Variants in COL16A1 observed in about 807,000 individuals in gnomAD.
COL16A1 encodes the protein collagen alpha-1(XVI) chain.
A neutral mutation model predicts 266.3 loss-of-function variants in COL16A1; 189 were observed. The observed-to-expected ratio is 0.71, with a 90% CI of 0.63 to 0.80. The LOEUF (loss-of-function observed/expected upper bound fraction) is 0.80. COL16A1 is among the 30% of genes least tolerant of loss of function. COL16A1 has a pLI of 0.00. For synonymous variants in COL16A1, 740 were observed against 782.3 expected, an observed-to-expected ratio of 0.95 and a Z score of 0.90; for missense variants, 1,928 against 2,122.4, an observed-to-expected ratio of 0.91 and a Z score of 1.80.
chr1:31,683,930 G>T lies in COL16A1; in HGVS notation c.2337+20C>A. ...TGCCCTCACGTAGCTACGGCCCAGG[G>T]CCCCAAGACTCACACATACCTGCAC... On this transcript the variant is annotated intron_variant, in intron 33 of 70. Transcript: ENST00000373672. 6.2e-7 allele frequency: 1 copy of T among 1,614,004 alleles called. No individual in the cohort carries two copies. The highest frequency in any genetic ancestry group is 8.5e-7 in the Non-Finnish European group (1 of 1,179,976).
intron 10 of COL16A1, among the ~76,000 whole-genome samples, chr1:31,695,507 G>A (rs1286040060): frequency 6.6e-6 from 1 of 151,410 alleles, no homozygotes; most frequent in Non-Finnish European, 1.5e-5. Context: ...CAAGGGCACC[G>A]TGGCTGAAGG....
At position 31,661,701 on chromosome 1, in the gene COL16A1, C is replaced by A; in HGVS notation, c.3685G>T (p.Asp1229Tyr). The A allele has an allele frequency of 6.3e-7, 1 of 1,597,358 alleles. No individual in the cohort carries two copies. Among genetic ancestry groups the A allele is most frequent in the Middle Eastern group, 1.7e-4 (1 of 6,002 alleles). ...GKDGKPGLRG[D>Y]PGPAGPPGLM... The stretch of plus-strand genomic sequence containing the variant: ...CCAGGGGGGCCAGCAGGACCAGGGT[C>A]CCCCTAGGGAAAGAGACGAGGAGGA... The change falls in exon 59 of 71, where the codon GAC becomes TAC. Residue 1229 changes from aspartate (D) to tyrosine (Y), a missense_variant. Transcript: ENST00000373672.
intron 2 of COL16A1, 146 bp from the exon 3 acceptor site, chr1:31,700,261 G>C (rs1191140717): frequency 1.3e-6 from 1 of 752,260 alleles, no homozygotes; most frequent in African/African-American, 1.7e-5. Flanking sequence ...CCTGCCTTCT[G>C]ACCCTGGCTC....
At chr1:31,662,307 G>GGGCCCCCCCCC in intron 58 of COL16A1, 27 bp downstream of exon 58, 1 of 1,598,010 alleles carries the variant, frequency 6.3e-7, no homozygotes, top group Non-Finnish European at 8.5e-7. Context: ...AGGAAGGGGT[G>GGGCCCCCCCCC]CCCGCCCTCC....
At chr1:31,659,066 T>A (rs1212539124) in intron 62 of COL16A1, 102 bp from the exon 63 acceptor site, 22 of 1,077,158 alleles carry the variant, frequency 2.0e-5, no homozygotes, top group Non-Finnish European at 3.0e-5. Context: ...CTTCAGCAGC[T>A]CCATTTCCTC....
intron 62 of COL16A1, chr1:31,659,795 A>G (rs1641484399): frequency 6.6e-6 from 1 of 151,692 alleles, no homozygotes; most frequent in Non-Finnish European, 1.5e-5. Context: ...CACCCCCTCA[A>G]CCTCAGCCCT....
At chr1:31,683,393 A>G in intron 34 of COL16A1, 24 bp from the exon 35 acceptor site, 5 of 1,613,330 alleles carry the variant, frequency 3.1e-6, no homozygotes, top group Non-Finnish European at 4.2e-6. Context: ...AGGGCAGACT[A>G]GGGCACAGCA....
In COL16A1 at chr1:31,652,303, T is replaced by C. The variant is rs548138581; in HGVS notation, c.*348A>G. On this transcript the variant is annotated 3_prime_UTR_variant, in exon 71 of 71. Transcript: ENST00000373672. This position sits in a 1 kb window ranked among gnomAD's most constrained non-coding sequence, Gnocchi z 4.8. ...TTATTTTTCGGAGACTGAGTCTCAT[T>C]ATGTTGCTTAGACTGGTCTCAAACT... The C allele has an allele frequency of 6.1e-6, 1 of 163,682 alleles. No individual in the cohort carries two copies. Among genetic ancestry groups the C allele is most frequent in the Admixed American group, 6.4e-5 (1 of 15,652 alleles). The allele number at this position is 163,682 out of a possible 1,614,324, so 10.1% of individuals were successfully genotyped here.
chr1:31,689,921 G>T, intron 22 of COL16A1, 70 bp from the exon 23 acceptor site: 1 of 1,334,872 alleles, frequency 7.5e-7, no homozygotes, highest in Non-Finnish European at 1.1e-6. Flanking sequence ...GGGGCCTCTT[G>T]CGCAGACCAG....
chr1:31,684,790 C>G (rs1401793941), intron 30 of COL16A1, 31 bp downstream of exon 30: 1 of 1,613,870 alleles, frequency 6.2e-7, no homozygotes, highest in Admixed American at 1.7e-5. Flanking sequence ...TGATGCCATG[C>G]CCACCCCCGT....
In COL16A1 at chr1:31,699,796, C is replaced by A; in HGVS notation, c.266+17G>T. ...GAGGTCAGTGTTGATTCTCAGTGGTCACATGGATGCATTTACCGCGTGGGC... is the reference window on the plus strand; with the variant it reads ...GAGGTCAGTGTTGATTCTCAGTGGTAACATGGATGCATTTACCGCGTGGGC... On this transcript the variant is annotated intron_variant, in intron 4 of 70. Coordinates refer to ENST00000373672, the MANE Select transcript of COL16A1 (RefSeq NM_001856.4). 1 of 1,474,128 alleles carries A rather than the reference C, an allele frequency of 6.8e-7. No homozygotes were observed. The highest frequency in any genetic ancestry group is 9.5e-7 in the Non-Finnish European group (1 of 1,055,432). The allele number at this position is 1,474,128 out of a possible 1,614,324, so 91.3% of individuals were successfully genotyped here.
At position 31,683,352 on chromosome 1, in the gene COL16A1, CG is replaced by C; in HGVS notation, c.2396del (p.Pro799ArgfsTer30). ...VQGPQGEPGAPGLPGIQGLPG... is the reference protein window; with the variant it reads ...VQGPQGEPGAXGLPGIQGLPG... ...GACGTACCTGAATGCCAGGCAAACC[CG>C]GGGCTCCAGGCTCCCCCTGCAAGTC... On this transcript the variant is annotated frameshift_variant, in exon 35 of 71. Transcript: ENST00000373672. LOFTEE classifies it high-confidence loss of function. 1 of 1,614,162 alleles carries C rather than the reference CG, an allele frequency of 6.2e-7. No homozygotes were observed. Among genetic ancestry groups the C allele is most frequent in the Non-Finnish European group, 8.5e-7 (1 of 1,180,044 alleles).
At position 31,686,149 on chromosome 1, in the gene COL16A1, C is replaced by G; in HGVS notation, c.1840-14G>C. On this transcript the variant is annotated splice_polypyrimidine_tract_variant and intron_variant, in intron 27 of 70. Coordinates refer to ENST00000373672, the MANE Select transcript of COL16A1 (RefSeq NM_001856.4). ...TCCTGGTGGCCCCTGCATGTTAAGA[C>G]GCTACAGGTAATGCCCAGCATCTGC... The G allele has an allele frequency of 6.2e-7, 1 of 1,613,968 alleles. No individual in the cohort carries two copies. Among genetic ancestry groups the G allele is most frequent in the Non-Finnish European group, 8.5e-7 (1 of 1,180,022 alleles).
chr1:31,661,574 G>A (rs896047534), intron 59 of COL16A1, 86 bp downstream of exon 59: 23 of 1,611,202 alleles, frequency 1.4e-5, no homozygotes, highest in African/African-American at 2.7e-5. Context: ...CACGGTCCAC[G>A]GAGGATCTGG....
At chr1:31,699,736 A>T (rs1644649739) in intron 4 of COL16A1, 77 bp downstream of exon 4, 2 of 959,858 alleles carry the variant, frequency 2.1e-6, no homozygotes, top group Non-Finnish European at 1.6e-6. Flanking sequence ...CCCTGGGCTT[A>T]AGCCCCACAT....
rs773792153 is a variant in COL16A1 at position 31,680,063 on chromosome 1, G to A, written c.2649C>T (p.Asp883=). The A allele has an allele frequency of 1.2e-6, 2 of 1,613,928 alleles. No homozygotes were observed. Among genetic ancestry groups the A allele is most frequent in the South Asian group, 1.1e-5 (1 of 91,032 alleles). ...TTACCGGCATGCCAGAGAAGATGAG[G>A]TCTCCTTGAGAGGGGCAGGAGCACT... ...PGECSCPSQG[D]LIFSGMPGAP... is the part of the protein sequence containing the mutation. The change falls in exon 40 of 71, where the codon GAC becomes GAT. Residue 883 remains aspartate (D), a synonymous_variant. Coordinates refer to ENST00000373672, the MANE Select transcript of COL16A1 (RefSeq NM_001856.4).
Position 31,661,018 on chromosome 1 carries a change from G to A in COL16A1, c.3825+48C>T, listed in dbSNP as rs1182120604. Reference sequence around the variant, plus strand: ...AAGCGGCTGCATCCCAGACTCTGCAGAGTCTGAAGGCAAACTGAAGGCAGC... The same window carrying A: ...AAGCGGCTGCATCCCAGACTCTGCAAAGTCTGAAGGCAAACTGAAGGCAGC... On this transcript the variant is annotated intron_variant, in intron 61 of 70. Coordinates refer to ENST00000373672, the MANE Select transcript of COL16A1 (RefSeq NM_001856.4). 3.3e-6 allele frequency: 5 copies of A among 1,534,436 alleles called. 1 individual carries two copies. The South Asian group carries it at 4.9e-5, about 15-fold the overall frequency.
chr1:31,694,140 T>G lies in COL16A1; in HGVS notation c.1008+4A>C. The G allele has an allele frequency of 6.3e-7, 1 of 1,599,886 alleles. No homozygotes were observed. The highest frequency in any genetic ancestry group is 1.1e-5 in the South Asian group (1 of 88,570). On this transcript the variant is annotated splice_donor_region_variant and intron_variant, in intron 12 of 70. Transcript: ENST00000373672. ...GGAATGTCCCGTTCTCCATTAGGACTCACCTTGGGGCCAGAGGGAGCAAGT... is the reference window on the plus strand; with the variant it reads ...GGAATGTCCCGTTCTCCATTAGGACGCACCTTGGGGCCAGAGGGAGCAAGT...
chr1:31,696,272 C>T (rs1644494866), intron 8 of COL16A1, 131 bp from the exon 9 acceptor site: 2 of 735,098 alleles, frequency 2.7e-6, no homozygotes, highest in African/African-American at 3.5e-5. Flanking sequence ...CCTCCTGGGG[C>T]ATCAAGGGCC....
Sources: allele counts gnomAD v4.1 joint callset (sites outside exome capture counted in the v4.1 genomes callset), GRCh38; gene constraint gnomAD v4.1.1; non-coding constraint Gnocchi (gnomAD v3.1); transcripts MANE v1.5; gene names NCBI Gene and HGNC (gene_info 2026-07-23, HGNC 2026-07-21).